The following ADAT1 variants were observed in gnomAD, a reference collection of about 807,000 sequenced individuals.
ADAT1 encodes tRNA-specific adenosine deaminase 1.
Under a neutral mutation model 58.6 loss-of-function variants are expected in ADAT1, and 58 were observed. The ratio of observed to expected loss-of-function variants is 0.99; its 90% CI spans 0.80 to 1.23. The LOEUF (loss-of-function observed/expected upper bound fraction) is 1.23, where lower values mean the gene tolerates loss of function less well. Among genes scored for constraint, ADAT1 ranks in the 50% most tolerant of loss-of-function variants. The pLI is 0.00. For missense variants in ADAT1, 741 were observed against 608.6 expected (o/e 1.22, Z -2.29); for synonymous variants, 254 against 220.8 (o/e 1.15, Z -1.33).
chr16:75,620,122 C>T (rs1004347136), intron 3 of ADAT1, 144 bp downstream of exon 3: 8 of 742,604 alleles, frequency 1.1e-5, no homozygotes, highest in East Asian at 5.3e-5. Context: ...CAAGTGAGTA[C>T]GGTCCTTCCA....
Position 75,599,975 on chromosome 16 carries a change from C to A in ADAT1, c.*241G>T. ...ACTCTGATTTCATATTTTAGAGAAG[C>A]AATAAAACACAATGGAAGTCAGATA... On this transcript the variant is annotated 3_prime_UTR_variant, in exon 10 of 10. Coordinates refer to ENST00000564657, the MANE Select transcript of ADAT1 (RefSeq NM_001324445.2). 8.1e-7 allele frequency: 1 copy of A among 1,240,002 alleles called. No individual in the cohort carries two copies. Among genetic ancestry groups the A allele is most frequent in the Non-Finnish European group, 1.0e-6 (1 of 987,922 alleles). 76.8% of individuals were successfully genotyped at this position (1,240,002 alleles called of 1,614,324 possible). A position where few individuals can be genotyped will look rare whatever the true frequency, so the allele number is the denominator to read the frequency against.
At chr16:75,614,401 G>A (rs892568264) in intron 5 of ADAT1, among the ~76,000 whole-genome samples, 9 of 152,208 alleles carry the variant, frequency 5.9e-5, no homozygotes, top group African/African-American at 2.4e-5. Context: ...CTAGAGGTCA[G>A]TAAGAACCAC....
In ADAT1 at chr16:75,598,811, G is replaced by T; in HGVS notation, c.*1405C>A. ...TGGAATTACAGGCGTAAGCCACCGTGCCCGGCCTAAAAACTTTTAAAATGT... is the reference window on the plus strand; with the variant it reads ...TGGAATTACAGGCGTAAGCCACCGTTCCCGGCCTAAAAACTTTTAAAATGT... On this transcript the variant is annotated 3_prime_UTR_variant, in exon 10 of 10. Transcript: ENST00000564657. 1 of 843,310 alleles carries T rather than the reference G, an allele frequency of 1.2e-6. No individual in the cohort carries two copies. Among genetic ancestry groups the T allele is most frequent in the Non-Finnish European group, 1.4e-6 (1 of 700,434 alleles). The allele number at this position is 843,310 out of a possible 1,614,324, so 52.2% of individuals were successfully genotyped here.
rs1352607128 is a variant in ADAT1, at chr16:75,597,112, A to G, written c.*3104T>C. 4.1e-5 allele frequency: 8 copies of G among 197,366 alleles called. No individual in the cohort carries two copies. The allele number at this position is 197,366 out of a possible 1,614,324, so 12.2% of individuals were successfully genotyped here. A position where few individuals can be genotyped will look rare whatever the true frequency, so the allele number is the denominator to read the frequency against. The stretch of plus-strand genomic sequence containing the variant: ...TGCTAATGGGTTCTGCAATGGGTTG[A>G]GTGGTGTCCCCCAAAACTTCATGTC... On this transcript the variant is annotated 3_prime_UTR_variant, in exon 10 of 10. Coordinates refer to ENST00000564657, the MANE Select transcript of ADAT1 (RefSeq NM_001324445.2).
rs1597079030 is a variant in ADAT1, at chr16:75,598,789, A to G, written c.*1427T>C. ...CTGCCTCAGCCTCCCAAAGTGTTGG[A>G]ATTACAGGCGTAAGCCACCGTGCCC... On this transcript the variant is annotated 3_prime_UTR_variant, in exon 10 of 10. Coordinates refer to ENST00000564657, the MANE Select transcript of ADAT1 (RefSeq NM_001324445.2). The G allele has an allele frequency of 3.2e-6, 2 of 623,542 alleles. No individual in the cohort carries two copies. Among genetic ancestry groups the G allele is most frequent in the Non-Finnish European group, 4.0e-6 (2 of 499,650 alleles). The allele number at this position is 623,542 out of a possible 1,614,324, so 38.6% of individuals were successfully genotyped here. A position where few individuals can be genotyped will look rare whatever the true frequency, so the allele number is the denominator to read the frequency against.
chr16:75,616,118 C>T (rs2081713897), intron 5 of ADAT1, among the ~76,000 whole-genome samples: 1 of 151,928 alleles, frequency 6.6e-6, no homozygotes, highest in Admixed American at 6.6e-5. Flanking sequence ...AAATGATTCT[C>T]CTGCCTCAGC....
rs768121674 is a variant in ADAT1, at chr16:75,612,788, G to A, written c.498C>T (p.Ala166=). Residue 166 remains alanine (A), a synonymous_variant, in exon 6 of 10, where the codon GCC becomes GCT. Transcript: ENST00000564657. ...TACTGGCTTCTACTGATGAGTTGTG[G>A]GCCCAATTTCTGAAGACAGGACAGC... ...QPCCPVFRNW[A]HNSSVEASSN... The A allele has an allele frequency of 1.4e-5, 22 of 1,613,994 alleles. No homozygotes were observed. The highest frequency in any genetic ancestry group is 1.7e-5 in the Non-Finnish European group (20 of 1,180,014).
chr16:75,615,035 G>C (rs2081656283), intron 5 of ADAT1, among the ~76,000 whole-genome samples: 2 of 152,048 alleles, frequency 1.3e-5, no homozygotes. Context: ...GACCAGCCTG[G>C]CCAATGTGGT....
At chr16:75,607,897 T>C (rs2081414983) in intron 8 of ADAT1, among the ~76,000 whole-genome samples, 1 of 152,230 alleles carries the variant, frequency 6.6e-6, no homozygotes, top group South Asian at 2.1e-4. Context: ...TGGGATATTA[T>C]TCAAGTCATG....
chr16:75,619,271 C>G (rs1336294115), intron 3 of ADAT1, among the ~76,000 whole-genome samples: 1 of 152,130 alleles, frequency 6.6e-6, no homozygotes, highest in African/African-American at 2.4e-5. Flanking sequence ...GCCTGTAATC[C>G]CAGCACTTTG....
At chr16:75,615,670 C>T (rs1050044454) in intron 5 of ADAT1, among the ~76,000 whole-genome samples, 1 of 152,118 alleles carries the variant, frequency 6.6e-6, no homozygotes, top group Non-Finnish European at 1.5e-5. Context: ...GCTTCTTTCT[C>T]CACAATAAGG....
intron 2 of ADAT1, 118 bp downstream of exon 2, chr16:75,620,513 G>A (rs1229126031): frequency 9.1e-6 from 13 of 1,422,194 alleles, no homozygotes; most frequent in Non-Finnish European, 1.2e-5. Flanking sequence ...CAGAGGACAA[G>A]CACATATGCC....
intron 5 of ADAT1, among the ~76,000 whole-genome samples, chr16:75,614,981 T>C (rs62058709): frequency 6.6e-6 from 1 of 152,058 alleles, no homozygotes; most frequent in Non-Finnish European, 1.5e-5. Flanking sequence ...TCTCAGCACT[T>C]TGGGAGGCCG....
rs374673644 is a variant in ADAT1, at chr16:75,598,772, G to C, written c.*1444C>G. ...GACCTCAGGTGATCTGCCTGCCTCA[G>C]CCTCCCAAAGTGTTGGAATTACAGG... On this transcript the variant is annotated 3_prime_UTR_variant, in exon 10 of 10. Coordinates refer to ENST00000564657, the MANE Select transcript of ADAT1 (RefSeq NM_001324445.2). 2.2e-6 allele frequency: 1 copy of C among 444,576 alleles called. No individual in the cohort carries two copies. Among genetic ancestry groups the C allele is most frequent in the Non-Finnish European group, 3.0e-6 (1 of 336,050 alleles). The allele number at this position is 444,576 out of a possible 1,614,324, so 27.5% of individuals were successfully genotyped here.
At chr16:75,603,231 A>C in intron 8 of ADAT1, 60 bp from the exon 9 acceptor site, 1 of 1,429,586 alleles carries the variant, frequency 7.0e-7, no homozygotes, top group East Asian at 2.3e-5. Context: ...CTAAGCCCCT[A>C]TCAAAGATGC....
chr16:75,597,506 G>GATA lies in ADAT1; in HGVS notation c.*2707_*2709dup. ...GGCACCAGGGACTGGTTTCATGGAA[G>GATA]ATAATTTTTCCACAGATCCGGGGTG... On this transcript the variant is annotated 3_prime_UTR_variant, in exon 10 of 10. Coordinates refer to ENST00000564657, the MANE Select transcript of ADAT1 (RefSeq NM_001324445.2). The GATA allele has an allele frequency of 2.7e-6, 1 of 367,896 alleles. No homozygotes were observed. Among genetic ancestry groups the GATA allele is most frequent in the South Asian group, 2.0e-5 (1 of 49,068 alleles). 22.8% of individuals were successfully genotyped at this position (367,896 alleles called of 1,614,324 possible).
At position 75,596,913 on chromosome 16, in the gene ADAT1, T is replaced by C. The variant is rs2081081970; in HGVS notation, c.*3303A>G. ...TCCATAAATAGTAATAAAGTACTGATTCATGCTACAACATAAATCTTGAAA... is the reference window on the plus strand; with the variant it reads ...TCCATAAATAGTAATAAAGTACTGACTCATGCTACAACATAAATCTTGAAA... On this transcript the variant is annotated 3_prime_UTR_variant, in exon 10 of 10. Transcript: ENST00000564657. The C allele has an allele frequency of 6.6e-6, 1 of 152,216 alleles. No individual in the cohort carries two copies. The highest frequency in any genetic ancestry group is 1.5e-5 in the Non-Finnish European group (1 of 68,082). 9.4% of individuals were successfully genotyped at this position (152,216 alleles called of 1,614,324 possible).
At chr16:75,601,311 C>T (rs2081223798) in intron 9 of ADAT1, among the ~76,000 whole-genome samples, 1 of 151,160 alleles carries the variant, frequency 6.6e-6, no homozygotes, top group Admixed American at 6.6e-5. Context: ...CTGTACTACA[C>T]AGACTGGGCG....
intron 8 of ADAT1, among the ~76,000 whole-genome samples, chr16:75,604,050 G>A (rs2081296394): frequency 6.6e-6 from 1 of 152,096 alleles, no homozygotes; most frequent in Non-Finnish European, 1.5e-5. Flanking sequence ...AGTGGCTGCT[G>A]GCACTCAGGA....
Sources: allele counts gnomAD v4.1 joint callset (sites outside exome capture counted in the v4.1 genomes callset), GRCh38; gene constraint gnomAD v4.1.1; transcripts MANE v1.5; gene names NCBI Gene and HGNC (gene_info 2026-07-23, HGNC 2026-07-21).